Variants in CTNND2 observed in about 807,000 individuals in gnomAD.
CTNND2 encodes catenin delta-2.
CTNND2 carries 22 observed loss-of-function variants against 144.4 expected under a neutral mutation model. The observed-to-expected ratio is 0.15, with a 90% CI of 0.11 to 0.22. The LOEUF (loss-of-function observed/expected upper bound fraction) is 0.22. CTNND2 is among the 10% of genes least tolerant of loss of function. The pLI is 1.00. For synonymous variants in CTNND2, 751 were observed against 695.6 expected, an observed-to-expected ratio of 1.08 and a Z score of -1.25; for missense variants, 1,353 against 1,618.8, an observed-to-expected ratio of 0.84 and a Z score of 2.82.
Position 11,117,581 on chromosome 5 carries a change from G to C in CTNND2, c.2160-14C>G, listed in dbSNP as rs111573890. 5.3e-4 allele frequency: 852 copies of C among 1,597,924 alleles called. No homozygotes were observed. In the African/African-American group the frequency reaches 6.9e-3, roughly 13 times the overall value. On this transcript the variant is annotated splice_polypyrimidine_tract_variant and intron_variant, in intron 12 of 21. Transcript: ENST00000304623. Reference sequence around the variant, plus strand: ...GAACTAACATTCCTGCAAAGCAAAAGGACACGTCAGCGATCTTCACGGTTG... The same window carrying C: ...GAACTAACATTCCTGCAAAGCAAAACGACACGTCAGCGATCTTCACGGTTG...
chr5:11,044,933 T>C (rs1745077551), intron 16 of CTNND2, among the ~76,000 whole-genome samples: 1 of 152,190 alleles, frequency 6.6e-6, no homozygotes, highest in Non-Finnish European at 1.5e-5. Context: ...CCCCTGAAAA[T>C]GGTACTTCTT....
intron 10 of CTNND2, among the ~76,000 whole-genome samples, chr5:11,201,131 G>A (rs1011966586): frequency 6.6e-6 from 1 of 152,136 alleles, no homozygotes; most frequent in African/African-American, 2.4e-5. Flanking sequence ...GATTTGTCAT[G>A]TTCTAACTTA....
At chr5:11,473,459 G>C (rs769059455) in intron 3 of CTNND2, among the ~76,000 whole-genome samples, 3 of 152,302 alleles carry the variant, frequency 2.0e-5, no homozygotes, top group Non-Finnish European at 4.4e-5. Flanking sequence ...GGGATACTGA[G>C]TGAGAAGAGA....
rs535328810 is a variant in CTNND2 at position 11,066,238 on chromosome 5, C to T, written c.2788+16458G>A. Among the ~76,000 whole-genome samples the T allele has an allele frequency of 1.3e-3, 201 of 152,266 alleles. 1 individual carries two copies. The Middle Eastern group carries it at 0.014, about 10-fold the overall frequency. On this transcript the variant is annotated intron_variant, in intron 16 of 21. Coordinates refer to ENST00000304623, the MANE Select transcript of CTNND2 (RefSeq NM_001332.4). The stretch of plus-strand genomic sequence containing the variant: ...TATTTTTAGTAGAGATGGGGTTCCA[C>T]CATGTTGGCCAGGATGGTCTCAATC...
At chr5:11,827,877 T>A (rs1793681759) in intron 1 of CTNND2, among the ~76,000 whole-genome samples, 1 of 152,174 alleles carries the variant, frequency 6.6e-6, no homozygotes. Flanking sequence ...ATATAAGATT[T>A]TGCAAAATAT....
chr5:11,585,226 C>A (rs1465205734), intron 2 of CTNND2, among the ~76,000 whole-genome samples: 1 of 152,056 alleles, frequency 6.6e-6, no homozygotes, highest in Non-Finnish European at 1.5e-5. Flanking sequence ...TTACTCTGCT[C>A]CGATGCAGAG....
At chr5:11,199,289 C>A (rs1162756599) in intron 11 of CTNND2, among the ~76,000 whole-genome samples, 159 bp downstream of exon 11, 2 of 152,158 alleles carry the variant, frequency 1.3e-5, no homozygotes, top group African/African-American at 4.8e-5. Flanking sequence ...ACATCTGATA[C>A]CATTTTCTTC....
intron 16 of CTNND2, among the ~76,000 whole-genome samples, chr5:11,061,780 C>T (rs1202254476): frequency 6.6e-6 from 1 of 152,064 alleles, no homozygotes; most frequent in African/African-American, 2.4e-5. Flanking sequence ...GCAATCTCGG[C>T]TCACTGCAGC....
chr5:10,988,142 G>A lies in CTNND2; in HGVS notation c.3312C>T (p.Gly1104=), dbSNP rs771859439. 6.8e-5 allele frequency: 109 copies of A among 1,614,054 alleles called. 1 individual carries two copies. Among genetic ancestry groups the A allele is most frequent in the Non-Finnish European group, 6.0e-5 (71 of 1,180,032 alleles). ...GSNATYHGAK[G]EHTSRKDAMT... ...TGGCATCTTTCCTGGAAGTGTGTTC[G>A]CCTTTAGCTCCGTGGTAGGTGGCGT... The change falls in exon 20 of 22, where the codon GGC becomes GGT. Residue 1104 remains glycine, a synonymous_variant. Coordinates refer to ENST00000304623, the MANE Select transcript of CTNND2 (RefSeq NM_001332.4). The surrounding 1 kb of genome is among the most constrained non-coding windows in gnomAD (Gnocchi z 5.9).
intron 3 of CTNND2, among the ~76,000 whole-genome samples, chr5:11,441,032 T>C (rs1449485214): frequency 6.6e-6 from 1 of 152,228 alleles, no homozygotes; most frequent in Non-Finnish European, 1.5e-5. Context: ...TAGAAGAATC[T>C]ACTTTTGTTA....
At chr5:11,103,898 A>G (rs1415697800) in intron 14 of CTNND2, among the ~76,000 whole-genome samples, 1 of 152,128 alleles carries the variant, frequency 6.6e-6, no homozygotes, top group African/African-American at 2.4e-5. Context: ...CTGATCTCCA[A>G]TGCACTGGGC....
chr5:11,246,499 C>T (rs912498758), intron 9 of CTNND2, among the ~76,000 whole-genome samples: 3 of 151,904 alleles, frequency 2.0e-5, no homozygotes, highest in South Asian at 4.2e-4. Context: ...ATTCCGGGCA[C>T]CACCAGAAGC....
At chr5:11,576,247 A>G (rs375444657) in intron 2 of CTNND2, among the ~76,000 whole-genome samples, 2 of 152,146 alleles carry the variant, frequency 1.3e-5, no homozygotes, top group South Asian at 4.1e-4. Context: ...TTTTCAAAAT[A>G]CAGCCAAAAT....
At chr5:11,184,085 G>T (rs115441111) in intron 11 of CTNND2, among the ~76,000 whole-genome samples, 4 of 152,158 alleles carry the variant, frequency 2.6e-5, no homozygotes, top group Admixed American at 2.6e-4. Flanking sequence ...GTTAATAAAA[G>T]TGTTTCTGAA....
chr5:11,007,907 G>C (rs989534481), intron 18 of CTNND2, among the ~76,000 whole-genome samples: 4 of 152,208 alleles, frequency 2.6e-5, no homozygotes, highest in African/African-American at 7.2e-5. Context: ...CCCCTAGACA[G>C]GGAGATGTGG....
chr5:11,353,787 G>A (rs1176329873), intron 8 of CTNND2, among the ~76,000 whole-genome samples: 1 of 149,682 alleles, frequency 6.7e-6, no homozygotes, highest in Non-Finnish European at 1.5e-5. Context: ...TGGGCGACAA[G>A]AGCAAGACTC....
chr5:11,723,858 A>C (rs10074587), intron 2 of CTNND2, among the ~76,000 whole-genome samples: 48,413 of 151,490 alleles, frequency 0.32, 10,998 homozygotes, highest in African/African-American at 0.65. Context: ...AGATCGAGAC[A>C]TTCCTGGCTA....
intron 10 of CTNND2, among the ~76,000 whole-genome samples, chr5:11,228,084 G>A (rs1343394775): frequency 6.6e-6 from 1 of 151,856 alleles, no homozygotes; most frequent in Non-Finnish European, 1.5e-5. Flanking sequence ...GTTCATGCCT[G>A]TAATCCCAGC....
chr5:11,143,999 C>G (rs764066065), intron 12 of CTNND2, among the ~76,000 whole-genome samples: 1 of 151,208 alleles, frequency 6.6e-6, no homozygotes, highest in East Asian at 2.0e-4. Context: ...CAGGTCTACA[C>G]CAGCTAGGGG....
Sources: gnomAD v4.1 joint callset for allele counts (sites outside exome capture counted in the v4.1 genomes callset) on GRCh38, gnomAD v4.1.1 for gene constraint, Gnocchi (gnomAD v3.1) non-coding constraint, MANE v1.5 for transcripts, NCBI Gene and HGNC (gene_info 2026-07-23, HGNC 2026-07-21) for gene names.